The following MAST2 variants were observed in gnomAD, a reference collection of about 807,000 sequenced individuals.
MAST2 encodes microtubule associated serine/threonine kinase 2, also known as microtubule-associated serine/threonine-protein kinase 2.
Under a neutral mutation model 147.4 loss-of-function variants are expected in MAST2, and 70 were observed. The observed-to-expected ratio is 0.47, with a 90% CI of 0.39 to 0.58. The LOEUF is 0.58. Ranked by LOEUF, MAST2 falls within the 20% of genes least tolerant of loss-of-function variation. MAST2 has a pLI of 0.00. For missense variants in MAST2, 2,080 were observed against 2,302.3 expected (o/e 0.90, Z 1.98); for synonymous variants, 869 against 896.8 (o/e 0.97, Z 0.55).
At chr1:45,820,264 G>A (rs544855400) in intron 1 of MAST2, among the ~76,000 whole-genome samples, 1 of 152,284 alleles carries the variant, frequency 6.6e-6, no homozygotes, top group East Asian at 1.9e-4. Context: ...AGAAAACTTT[G>A]GGGAAACTTG....
intron 4 of MAST2, among the ~76,000 whole-genome samples, chr1:45,925,592 G>A (rs960929159): frequency 6.6e-6 from 1 of 152,172 alleles, no homozygotes; most frequent in Non-Finnish European, 1.5e-5. Flanking sequence ...GGAGAGAGAA[G>A]TTTGATGTTA....
chr1:45,902,662 TC>T (rs1345817118), intron 4 of MAST2, among the ~76,000 whole-genome samples: 1 of 152,048 alleles, frequency 6.6e-6, no homozygotes, highest in Admixed American at 6.5e-5. Flanking sequence ...GTTTTATAGC[TC>T]ATTATTGGTC....
chr1:46,017,177 A>G (rs1049986392), intron 10 of MAST2, among the ~76,000 whole-genome samples: 1 of 152,192 alleles, frequency 6.6e-6, no homozygotes, highest in African/African-American at 2.4e-5. Flanking sequence ...AATTAATTCA[A>G]GATGGATTAA....
intron 1 of MAST2, among the ~76,000 whole-genome samples, chr1:45,806,053 T>C (rs1189467954): frequency 2.6e-5 from 4 of 152,196 alleles, no homozygotes; most frequent in Admixed American, 6.5e-5. Context: ...TTATTGAGGT[T>C]TGACAAATCA....
chr1:46,025,826 A>C lies in MAST2; in HGVS notation c.1919+11A>C, dbSNP rs777329786. ...CCTCAAGCCTGACAAGTATGTCCACAGTCTGTGTCCCTTGTCCAGGGTCTC... is the reference window on the plus strand; with the variant it reads ...CCTCAAGCCTGACAAGTATGTCCACCGTCTGTGTCCCTTGTCCAGGGTCTC... On this transcript the variant is annotated intron_variant, in intron 16 of 28. Transcript: ENST00000361297. The C allele has an allele frequency of 1.2e-6, 2 of 1,614,060 alleles. No homozygotes were observed. Among genetic ancestry groups the C allele is most frequent in the Non-Finnish European group, 1.7e-6 (2 of 1,180,024 alleles).
In MAST2 at chr1:46,033,925, G is replaced by A; in HGVS notation, c.3661G>A (p.Asp1221Asn). The A allele has an allele frequency of 6.2e-7, 1 of 1,614,116 alleles. No individual in the cohort carries two copies. The highest frequency in any genetic ancestry group is 8.5e-7 in the Non-Finnish European group (1 of 1,179,968). Reference protein sequence around the residue: ...ARRSKRSRGKDGQESRKRSSL... With the variant: ...ARRSKRSRGKNGQESRKRSSL... ...AAGGAGCAAGAGGAGCCGCGGCAAGGATGGGCAAGAAAGGTGAGCCAGGCG... is the reference window on the plus strand; with the variant it reads ...AAGGAGCAAGAGGAGCCGCGGCAAGAATGGGCAAGAAAGGTGAGCCAGGCG... Residue 1221 changes from aspartate (D) to asparagine (N), a missense_variant, in exon 27 of 29, where the codon GAT (aspartate) becomes AAT (asparagine). By Grantham distance (23) the Asp-to-Asn change is conservative. Around this residue, in one of 4 missense-constraint regions of MAST2, gnomAD observed 1,278 missense variants for 1,304.2 expected, o/e 0.98. Coordinates refer to ENST00000361297, the MANE Select transcript of MAST2 (RefSeq NM_015112.3).
intron 1 of MAST2, 131 bp downstream of exon 1, chr1:45,804,203 T>C: frequency 3.0e-4 from 264 of 884,780 alleles, no homozygotes; most frequent in Non-Finnish European, 3.5e-4. Context: ...GAGTGGGAGG[T>C]CTGGGGAGGC....
chr1:45,830,317 G>A (rs1171532744), intron 3 of MAST2, among the ~76,000 whole-genome samples: 1 of 149,862 alleles, frequency 6.7e-6, no homozygotes, highest in Non-Finnish European at 1.5e-5. Context: ...TGGGATTACA[G>A]GCACTTGCCA....
intron 11 of MAST2, among the ~76,000 whole-genome samples, 161 bp from the exon 12 acceptor site, chr1:46,021,789 G>A (rs1416595762): frequency 5.3e-5 from 8 of 152,238 alleles, no homozygotes; most frequent in Admixed American, 2.0e-4. Context: ...CCCCATTCCT[G>A]TGATCCCTGA....
chr1:45,927,348 C>T (rs1193389034), intron 4 of MAST2, among the ~76,000 whole-genome samples: 1 of 152,180 alleles, frequency 6.6e-6, no homozygotes. Flanking sequence ...GGAATTTCCT[C>T]TTCCTAATAA....
At chr1:45,837,142 C>T (rs569053318) in intron 3 of MAST2, among the ~76,000 whole-genome samples, 1 of 151,938 alleles carries the variant, frequency 6.6e-6, no homozygotes, top group Non-Finnish European at 1.5e-5. Flanking sequence ...GGCCATGGAC[C>T]TGGTATAGAA....
In MAST2 at chr1:46,036,035, T is replaced by C; in HGVS notation, c.5366T>C (p.Leu1789Ser). ...GGHQKHRDLA[L>S]VPDELLKQT ...CATCAAAAGCATCGGGATTTGGCAT[T>C]GGTTCCAGATGAGCTTTTAAAGCAA... Residue 1789 changes from leucine to serine, a missense_variant, in exon 29 of 29, where the codon TTG becomes TCG. Leu to Ser is a moderately radical substitution (Grantham distance 145). This residue lies in a region of MAST2 where 1,278 missense variants were observed against 1,304.2 expected (regional missense o/e 0.98). Coordinates refer to ENST00000361297, the MANE Select transcript of MAST2 (RefSeq NM_015112.3). 6.2e-7 allele frequency: 1 copy of C among 1,611,238 alleles called. No individual in the cohort carries two copies. The highest frequency in any genetic ancestry group is 8.5e-7 in the Non-Finnish European group (1 of 1,178,798).
intron 4 of MAST2, among the ~76,000 whole-genome samples, chr1:45,954,685 G>T (rs1309942007): frequency 6.6e-6 from 1 of 152,148 alleles, no homozygotes; most frequent in East Asian, 1.9e-4. Flanking sequence ...GGAAAAATTA[G>T]CCAGTTCCTT....
At chr1:45,857,007 A>G (rs1366507772) in intron 3 of MAST2, among the ~76,000 whole-genome samples, 1 of 152,118 alleles carries the variant, frequency 6.6e-6, no homozygotes. Context: ...CAAACGTCAA[A>G]TTTGCATGAA....
intron 1 of MAST2, among the ~76,000 whole-genome samples, chr1:45,820,673 G>A (rs1570221847): frequency 6.6e-6 from 1 of 152,100 alleles, no homozygotes; most frequent in East Asian, 1.9e-4. Context: ...TGTGATATTT[G>A]TCCATATGGT....
intron 3 of MAST2, among the ~76,000 whole-genome samples, chr1:45,873,955 G>A (rs1271522740): frequency 6.6e-6 from 1 of 152,094 alleles, no homozygotes; most frequent in African/African-American, 2.4e-5. Context: ...TGAGTAGCTG[G>A]GACTGCTGGC....
At chr1:45,895,997 CAA>C (rs1284416866) in intron 4 of MAST2, among the ~76,000 whole-genome samples, 11 of 151,734 alleles carry the variant, frequency 7.2e-5, no homozygotes, top group Admixed American at 6.6e-4. Context: ...CTTTTAATAA[CAA>C]TGCCAAATGA....
In MAST2 at chr1:46,035,718, C is replaced by T; in HGVS notation, c.5049C>T (p.Leu1683=). ...CCATGGCAGGTGGGCTAGCCAACCT[C>T]CAGGATTTGGAAAACACAACTCCAG... is the stretch of plus-strand genomic sequence containing the variant. The part of the protein sequence containing the change: ...KATMAGGLAN[L]QDLENTTPAQ... The change falls in exon 29 of 29, where the codon CTC becomes CTT. Residue 1683 remains leucine (L), a synonymous_variant. Transcript: ENST00000361297. This position sits in a 1 kb window ranked among gnomAD's most constrained non-coding sequence, Gnocchi z 5.5. 6.2e-7 allele frequency: 1 copy of T among 1,613,996 alleles called. No homozygotes were observed. Among genetic ancestry groups the T allele is most frequent in the Non-Finnish European group, 8.5e-7 (1 of 1,180,018 alleles).
At chr1:45,923,343 G>T (rs1021273877) in intron 4 of MAST2, among the ~76,000 whole-genome samples, 4 of 152,326 alleles carry the variant, frequency 2.6e-5, no homozygotes, top group Admixed American at 1.3e-4. Flanking sequence ...GGCAGTGACT[G>T]CTTCATGGCA....
Sources: gnomAD v4.1 joint callset for allele counts (sites outside exome capture counted in the v4.1 genomes callset) on GRCh38, gnomAD v4.1.1 for gene constraint, gnomAD v4.1.1 regional missense constraint, Gnocchi (gnomAD v3.1) non-coding constraint, MANE v1.5 for transcripts, NCBI Gene and HGNC (gene_info 2026-07-23, HGNC 2026-07-21) for gene names.